Variants in TMX2 observed in about 807,000 individuals in gnomAD.
The protein encoded by TMX2 is thioredoxin-related transmembrane protein 2.
In TMX2, 20 loss-of-function variants were observed where a neutral mutation model predicts 33.4. That is an observed-to-expected ratio of 0.60 (90% CI 0.42 to 0.87). TMX2 has a LOEUF of 0.87. TMX2 is among the 40% of genes least tolerant of loss of function. The pLI is 0.00. For missense variants in TMX2, 340 were observed against 370.7 expected, an observed-to-expected ratio of 0.92 and a Z score of 0.68; for synonymous variants, 166 against 140.7, an observed-to-expected ratio of 1.18 and a Z score of -1.27.
chr11:57,738,487 G>A, intron 4 of TMX2, 57 bp downstream of exon 4: 1 of 1,396,848 alleles, frequency 7.2e-7, no homozygotes, highest in South Asian at 1.2e-5. Flanking sequence ...TTTTGTAGTT[G>A]TGCTCTCCAT....
intron 1 of TMX2, among the ~76,000 whole-genome samples, chr11:57,735,508 G>A (rs1323265737): frequency 6.6e-6 from 1 of 152,114 alleles, no homozygotes; most frequent in Non-Finnish European, 1.5e-5. Flanking sequence ...ACAGCACCCG[G>A]CCAGGAGAGC....
At chr11:57,738,607 G>A (rs1299964084) in intron 4 of TMX2, 57 bp from the exon 5 acceptor site, 14 of 1,495,812 alleles carry the variant, frequency 9.4e-6, no homozygotes, top group Non-Finnish European at 1.1e-5. Flanking sequence ...GCTAAAGTCT[G>A]AACCTTCCCA....
rs558858807 is a variant in TMX2 at position 57,722,353 on chromosome 11, CAATA to C, written c.189+9549_189+9552del. The stretch of plus-strand genomic sequence containing the variant: ...GAAGAAAAAGATAAAAGAGTTGAGA[CAATA>C]AAATCAGGTGTGAGTCACTGCACCC... On this transcript the variant is annotated intron_variant, in intron 1 of 7. Transcript: ENST00000278422. Among the ~76,000 whole-genome samples the C allele has an allele frequency of 9.2e-5, 14 of 151,812 alleles. No individual in the cohort carries two copies. In the South Asian group the frequency reaches 2.9e-3, roughly 32 times the overall value.
At chr11:57,728,087 C>G (rs1420334667) in intron 1 of TMX2, among the ~76,000 whole-genome samples, 2 of 152,216 alleles carry the variant, frequency 1.3e-5, no homozygotes, top group Admixed American at 6.5e-5. Flanking sequence ...TTCTCAGGAC[C>G]TCCTGAGGGC....
At chr11:57,716,094 T>G (rs1946984210) in intron 1 of TMX2, among the ~76,000 whole-genome samples, 1 of 152,072 alleles carries the variant, frequency 6.6e-6, no homozygotes, top group Admixed American at 6.5e-5. Context: ...AATGAGCTGT[T>G]GGGTACACCT....
intron 1 of TMX2, among the ~76,000 whole-genome samples, chr11:57,730,844 T>C (rs1291436324): frequency 1.3e-5 from 2 of 152,286 alleles, no homozygotes; most frequent in Admixed American, 1.3e-4. Flanking sequence ...AGCCTAACCA[T>C]TGTGAATGAT....
At chr11:57,716,271 C>A (rs1460889824) in intron 1 of TMX2, among the ~76,000 whole-genome samples, 1 of 148,962 alleles carries the variant, frequency 6.7e-6, no homozygotes, top group Non-Finnish European at 1.5e-5. Context: ...CTGACCCCCC[C>A]CCACCTCCCT....
chr11:57,713,736 A>T (rs768569510), intron 1 of TMX2, among the ~76,000 whole-genome samples: 36 of 152,210 alleles, frequency 2.4e-4, no homozygotes, highest in Non-Finnish European at 2.6e-4. Flanking sequence ...ACCCTCTTTC[A>T]TAGGAATATG....
At chr11:57,718,349 T>C in intron 1 of TMX2, 5 of 1,527,922 alleles carry the variant, frequency 3.3e-6, no homozygotes, top group Non-Finnish European at 4.5e-6. Context: ...CACCACCTGA[T>C]ACATAAACCC....
intron 1 of TMX2, among the ~76,000 whole-genome samples, chr11:57,724,326 C>G (rs997814803): frequency 6.6e-6 from 1 of 152,050 alleles, no homozygotes; most frequent in African/African-American, 2.4e-5. Context: ...TTTAAAATAC[C>G]AAGTGAAGTA....
At chr11:57,713,819 AC>A (rs1170966628) in intron 1 of TMX2, among the ~76,000 whole-genome samples, 2 of 152,182 alleles carry the variant, frequency 1.3e-5, no homozygotes, top group Non-Finnish European at 2.9e-5. Flanking sequence ...GGCCTGGAGA[AC>A]ATACAGTGGC....
At chr11:57,720,791 C>T (rs1442227801) in intron 1 of TMX2, among the ~76,000 whole-genome samples, 4 of 152,198 alleles carry the variant, frequency 2.6e-5, no homozygotes, top group African/African-American at 7.2e-5. Context: ...ATCGAACCCA[C>T]GCTGCAGCAG....
chr11:57,731,125 GTTTTTTTTTTTT>G lies in TMX2; in HGVS notation c.190-6466_190-6455del, dbSNP rs757832822. ...CCACTCTTTCCGTTTTTTGTTTTTT[GTTTTTTTTTTTT>G]TTTTTTTTTTTTTTTTGAGATCCAG... On this transcript the variant is annotated intron_variant, in intron 1 of 7. Coordinates refer to ENST00000278422, the MANE Select transcript of TMX2 (RefSeq NM_015959.4). Among the ~76,000 whole-genome samples, 8 of 85,862 alleles carry G rather than the reference GTTTTTTTTTTTT, an allele frequency of 9.3e-5. No homozygotes were observed. The East Asian group carries it at 2.9e-3, about 31-fold the overall frequency. The allele number at this position is 85,862 out of a possible 152,430, so 56.3% of individuals were successfully genotyped here.
At chr11:57,736,074 TCA>T (rs2135625917) in intron 1 of TMX2, among the ~76,000 whole-genome samples, 1 of 152,232 alleles carries the variant, frequency 6.6e-6, no homozygotes, top group East Asian at 1.9e-4. Context: ...GTGTCTGACC[TCA>T]CACCCTGTTA....
intron 1 of TMX2, among the ~76,000 whole-genome samples, chr11:57,715,676 C>T (rs1186920485): frequency 1.4e-5 from 2 of 147,756 alleles, no homozygotes; most frequent in Non-Finnish European, 3.0e-5. Flanking sequence ...GGAAGGTTGG[C>T]AGATAAACAA....
At chr11:57,715,567 A>T (rs543725) in intron 1 of TMX2, among the ~76,000 whole-genome samples, 45,839 of 145,886 alleles carry the variant, frequency 0.31, 7,458 homozygotes, top group African/African-American at 0.34. Flanking sequence ...ACCTTTTATA[A>T]CCTCTTAGAA....
chr11:57,713,767 G>A (rs1303349863), intron 1 of TMX2, among the ~76,000 whole-genome samples: 1 of 152,216 alleles, frequency 6.6e-6, no homozygotes, highest in Non-Finnish European at 1.5e-5. Context: ...AAATGTGGGT[G>A]ATTTTAAGGT....
intron 1 of TMX2, among the ~76,000 whole-genome samples, chr11:57,719,601 A>T (rs1179874920): frequency 7.1e-6 from 1 of 139,888 alleles, no homozygotes; most frequent in Non-Finnish European, 1.5e-5. Context: ...CCTTACTGCA[A>T]CCTTGACCTC....
chr11:57,722,539 A>G (rs993854440), intron 1 of TMX2, among the ~76,000 whole-genome samples: 4 of 152,212 alleles, frequency 2.6e-5, no homozygotes, highest in African/African-American at 9.6e-5. Context: ...TTTATTCTGC[A>G]TGCCTGTTAT....
Sources: gnomAD v4.1 joint callset for allele counts (sites outside exome capture counted in the v4.1 genomes callset) on GRCh38, gnomAD v4.1.1 for gene constraint, MANE v1.5 for transcripts, NCBI Gene and HGNC (gene_info 2026-07-23, HGNC 2026-07-21) for gene names.